TTC9: variants seen among roughly 807,000 people sequenced by gnomAD.
The protein encoded by TTC9 is tetratricopeptide repeat domain 9.
In TTC9, 13 loss-of-function variants were observed where a neutral mutation model predicts 22.9. That is an observed-to-expected ratio of 0.57 (90% CI 0.37 to 0.90). The LOEUF is 0.90. Among genes scored for constraint, TTC9 ranks in the 40% least tolerant of loss-of-function variants. The pLI, the probability that TTC9 is intolerant of heterozygous loss-of-function variation, is 0.01. For missense variants in TTC9, 280 were observed against 291.8 expected (o/e 0.96, Z 0.29); for synonymous variants, 148 against 133.2 (o/e 1.11, Z -0.77).
At chr14:70,670,144 A>G (rs1243006428) in intron 2 of TTC9, among the ~76,000 whole-genome samples, 1 of 152,254 alleles carries the variant, frequency 6.6e-6, no homozygotes. Flanking sequence ...GCTTCAGAGC[A>G]ATTTCATGAG....
chr14:70,655,416 AAAAC>A (rs1566698107), intron 1 of TTC9, among the ~76,000 whole-genome samples: 3 of 152,216 alleles, frequency 2.0e-5, no homozygotes, highest in Non-Finnish European at 4.4e-5. Flanking sequence ...CAAAAAAAAA[AAAAC>A]AAAGAAGAAG....
chr14:70,666,904 G>C (rs1886223515), intron 1 of TTC9, among the ~76,000 whole-genome samples: 1 of 152,194 alleles, frequency 6.6e-6, no homozygotes, highest in Non-Finnish European at 1.5e-5. Context: ...GCCTCTGGTA[G>C]CTTATTCCTA....
rs981505260 is a variant in TTC9, at chr14:70,671,314, C to T, written c.*159C>T. 2.9e-5 allele frequency: 17 copies of T among 588,282 alleles called. No homozygotes were observed. Among genetic ancestry groups the T allele is most frequent in the Non-Finnish European group, 4.7e-5 (16 of 339,002 alleles). The allele number at this position is 588,282 out of a possible 1,614,324, so 36.4% of individuals were successfully genotyped here. On this transcript the variant is annotated 3_prime_UTR_variant, in exon 3 of 3. Coordinates refer to ENST00000256367, the MANE Select transcript of TTC9 (RefSeq NM_015351.2). ...CCCAGCTCTTTGTCTCCTCCCAGTA[C>T]GAAAAGGAGAGATGCAAATTTGGAA... is the stretch of plus-strand genomic sequence containing the variant.
At chr14:70,666,976 C>T (rs571687833) in intron 1 of TTC9, among the ~76,000 whole-genome samples, 30 of 152,162 alleles carry the variant, frequency 2.0e-4, no homozygotes, top group Non-Finnish European at 4.0e-4. Context: ...TGTATGATCT[C>T]ACAGTTCCAG....
chr14:70,658,060 A>G (rs1886091464), intron 1 of TTC9, among the ~76,000 whole-genome samples: 1 of 152,226 alleles, frequency 6.6e-6, no homozygotes, highest in Admixed American at 6.5e-5. Context: ...AAAGACCTTC[A>G]GAGATCAGCC....
At chr14:70,662,027 G>A (rs1348764988) in intron 1 of TTC9, among the ~76,000 whole-genome samples, 2 of 152,126 alleles carry the variant, frequency 1.3e-5, no homozygotes, top group African/African-American at 2.4e-5. Flanking sequence ...CTTGATAGAG[G>A]CTTGTCTTCA....
At chr14:70,657,134 C>T (rs1886077877) in intron 1 of TTC9, among the ~76,000 whole-genome samples, 2 of 152,208 alleles carry the variant, frequency 1.3e-5, no homozygotes, top group Admixed American at 1.3e-4. Context: ...AGTTCTTTTA[C>T]CTGCCACTTT....
In TTC9 at chr14:70,642,214, C is replaced by G. The variant is rs1885823558; in HGVS notation, c.85C>G (p.Leu29Val). The G allele has an allele frequency of 3.1e-6, 4 of 1,281,178 alleles. No homozygotes were observed. The African/African-American group carries it at 6.3e-5, about 20-fold the overall frequency. 79.4% of individuals were successfully genotyped at this position (1,281,178 alleles called of 1,614,324 possible). A position where few individuals can be genotyped will look rare whatever the true frequency, so the allele number is the denominator to read the frequency against. ...AGEGQRPPPP[L>V]CVPGGGGGAP... ...AGAGGGGCAGCGGCCACCGCCGCCG[C>G]TGTGCGTCCCGGGCGGCGGCGGAGG... is the stretch of plus-strand genomic sequence containing the variant. Residue 29 changes from leucine to valine, a missense_variant, in exon 1 of 3, where the codon CTG (leucine) becomes GTG (valine). Around this residue, in one of 5 missense-constraint regions of TTC9, gnomAD observed 49 missense variants for 39.8 expected, o/e 1.23. Coordinates refer to ENST00000256367, the MANE Select transcript of TTC9 (RefSeq NM_015351.2).
chr14:70,646,937 T>G (rs879462586), intron 1 of TTC9, among the ~76,000 whole-genome samples: 2 of 152,198 alleles, frequency 1.3e-5, no homozygotes, highest in Admixed American at 1.3e-4. Context: ...TGAAATGAAA[T>G]GTAGGACTCT....
chr14:70,647,701 C>G (rs1305946189), intron 1 of TTC9, among the ~76,000 whole-genome samples: 2 of 152,178 alleles, frequency 1.3e-5, no homozygotes, highest in East Asian at 3.8e-4. Context: ...GGTATTGTGC[C>G]CATCTCCTCT....
chr14:70,667,327 G>A (rs114531468), intron 1 of TTC9, among the ~76,000 whole-genome samples: 1 of 152,196 alleles, frequency 6.6e-6, no homozygotes, highest in Non-Finnish European at 1.5e-5. Context: ...TGGTGGAAGG[G>A]TGGGCATAAT....
chr14:70,663,990 A>G (rs1886179157), intron 1 of TTC9, among the ~76,000 whole-genome samples: 1 of 152,152 alleles, frequency 6.6e-6, no homozygotes, highest in Non-Finnish European at 1.5e-5. Context: ...AAGTTACTTC[A>G]TTTCTCTGGA....
In TTC9 at chr14:70,674,406, T is replaced by C. The variant is rs1886339423; in HGVS notation, c.*3251T>C. 1 of 152,246 alleles carries C rather than the reference T, an allele frequency of 6.6e-6. No individual in the cohort carries two copies. Among genetic ancestry groups the C allele is most frequent in the Admixed American group, 6.5e-5 (1 of 15,286 alleles). The allele number at this position is 152,246 out of a possible 1,614,324, so 9.4% of individuals were successfully genotyped here. ...ATATACCTTTTAGTTCTTTTTGGTG[T>C]AAATGTACACACGCACACACAGTTG... On this transcript the variant is annotated 3_prime_UTR_variant, in exon 3 of 3. Transcript: ENST00000256367.
intron 1 of TTC9, among the ~76,000 whole-genome samples, chr14:70,667,026 T>C (rs1000485243): frequency 1.3e-5 from 2 of 152,216 alleles, no homozygotes; most frequent in Non-Finnish European, 2.9e-5. Flanking sequence ...TGGGTTGTTA[T>C]TCTGAAAGAT....
At chr14:70,643,908 AT>A in intron 1 of TTC9, among the ~76,000 whole-genome samples, 1 of 152,352 alleles carries the variant, frequency 6.6e-6, no homozygotes, top group Admixed American at 6.5e-5. Flanking sequence ...GGTGGTGCTA[AT>A]AGCAATACTA....
intron 1 of TTC9, among the ~76,000 whole-genome samples, chr14:70,656,809 G>A (rs1182741354): frequency 6.6e-6 from 1 of 152,168 alleles, no homozygotes; most frequent in Non-Finnish European, 1.5e-5. Flanking sequence ...TGGCCAATCT[G>A]GCCACTCCAA....
At position 70,670,300 on chromosome 14, in the gene TTC9, T is replaced by C. The variant is rs188285021; in HGVS notation, c.590-776T>C. On this transcript the variant is annotated intron_variant, in intron 2 of 2. Transcript: ENST00000256367. ...GAAGGATACATACCTTGCGGGATTGTATTGAGGATTAAATGAGATCATGAA... is the reference window on the plus strand; with the variant it reads ...GAAGGATACATACCTTGCGGGATTGCATTGAGGATTAAATGAGATCATGAA... 4.6e-5 allele frequency among the ~76,000 whole-genome samples: 7 copies of C among 152,298 alleles called. No individual in the cohort carries two copies. The East Asian group carries it at 1.4e-3, about 29-fold the overall frequency.
At chr14:70,660,566 T>TC (rs1886131588) in intron 1 of TTC9, among the ~76,000 whole-genome samples, 1 of 152,110 alleles carries the variant, frequency 6.6e-6, no homozygotes, top group South Asian at 2.1e-4. Flanking sequence ...TCATAAGCGT[T>TC]CCCCCAAAGT....
intron 1 of TTC9, among the ~76,000 whole-genome samples, chr14:70,662,000 A>G (rs1886150588): frequency 6.6e-6 from 1 of 152,134 alleles, no homozygotes; most frequent in Non-Finnish European, 1.5e-5. Flanking sequence ...TTTCTCCTCT[A>G]GCACTTCTTC....
Sources: gnomAD v4.1 joint callset for allele counts (sites outside exome capture counted in the v4.1 genomes callset) on GRCh38, gnomAD v4.1.1 for gene constraint, gnomAD v4.1.1 regional missense constraint, MANE v1.5 for transcripts, NCBI Gene and HGNC (gene_info 2026-07-23, HGNC 2026-07-21) for gene names.